The following EPSTI1 variants were observed in gnomAD, a reference collection of about 807,000 sequenced individuals.
The protein encoded by EPSTI1 is epithelial stromal interaction 1.
In EPSTI1, 66 loss-of-function variants were observed where a neutral mutation model predicts 49.9. The ratio of observed to expected loss-of-function variants is 1.32; its 90% CI spans 1.08 to 1.62. The LOEUF (loss-of-function observed/expected upper bound fraction) is 1.62. EPSTI1 is among the 40% of genes most tolerant of loss of function. The pLI, the probability that EPSTI1 is intolerant of heterozygous loss-of-function variation, is 0.00. For missense variants in EPSTI1, 394 were observed against 365.5 expected (o/e 1.08, Z -0.64); for synonymous variants, 137 against 130.7 (o/e 1.05, Z -0.33).
chr13:42,900,211 C>G lies in EPSTI1; in HGVS notation c.815+99G>C, dbSNP rs115267670. 4.1e-4 allele frequency: 452 copies of G among 1,111,780 alleles called. 4 individuals carry two copies. The African/African-American group carries it at 6.4e-3, about 16-fold the overall frequency. The allele number at this position is 1,111,780 out of a possible 1,614,324, so 68.9% of individuals were successfully genotyped here. A position where few individuals can be genotyped will look rare whatever the true frequency, so the allele number is the denominator to read the frequency against. The stretch of plus-strand genomic sequence containing the variant: ...TTAAAGGTAACACGCATTCCAAAAC[C>G]ATATTAATAATGTTATCGTAATGCT... On this transcript the variant is annotated intron_variant, in intron 9 of 10. Transcript: ENST00000313624.
intron 1 of EPSTI1, among the ~76,000 whole-genome samples, chr13:42,979,690 T>A (rs9567085): frequency 1.3e-5 from 2 of 151,776 alleles, no homozygotes; most frequent in African/African-American, 2.4e-5. Context: ...ATTTACCAAC[T>A]GTTAATGTTT....
Position 42,956,229 on chromosome 13 carries a change from G to A in EPSTI1, c.490-2208C>T, listed in dbSNP as rs143695505. On this transcript the variant is annotated intron_variant, in intron 5 of 10. Transcript: ENST00000313624. Reference sequence around the variant, plus strand: ...CCATCCTGAGCACGAGAGCCAAGAAGCGGAATAACACTGGGAATGTGGTTT... The same window carrying A: ...CCATCCTGAGCACGAGAGCCAAGAAACGGAATAACACTGGGAATGTGGTTT... 1.7e-4 allele frequency among the ~76,000 whole-genome samples: 26 copies of A among 152,334 alleles called. 1 individual carries two copies. The East Asian group carries it at 5.0e-3, about 29-fold the overall frequency.
chr13:42,931,998 T>C (rs1395912176), intron 6 of EPSTI1, among the ~76,000 whole-genome samples: 2 of 152,190 alleles, frequency 1.3e-5, no homozygotes, highest in Non-Finnish European at 2.9e-5. Context: ...GGGTCTCACA[T>C]TGTTGCCCAG....
chr13:42,917,804 C>T (rs12864209), intron 7 of EPSTI1, among the ~76,000 whole-genome samples, 180 bp from the exon 8 acceptor site: 72,866 of 151,982 alleles, frequency 0.48, 18,331 homozygotes, highest in Non-Finnish European at 0.54. Context: ...TGTCTGAAAA[C>T]GTCCCTTGGA....
At chr13:42,912,215 T>G (rs9567067) in intron 8 of EPSTI1, among the ~76,000 whole-genome samples, 22,325 of 152,226 alleles carry the variant, frequency 0.15, 1,967 homozygotes, top group East Asian at 0.29. Flanking sequence ...GCAGGATAAA[T>G]TGGAGCTAAG....
intron 1 of EPSTI1, among the ~76,000 whole-genome samples, chr13:42,983,661 A>T (rs1657935205): frequency 6.6e-6 from 1 of 151,912 alleles, no homozygotes; most frequent in South Asian, 2.1e-4. Context: ...CATATTCAAG[A>T]TCCAAAATTT....
rs116572589 is a variant in EPSTI1 at position 42,929,958 on chromosome 13, T to C, written c.564-3529A>G. Reference sequence around the variant, plus strand: ...GGGCTGGCTATATGAGAATCATCTGTGGTGCTTCCTAGAAATTACTGGACT... The same window carrying C: ...GGGCTGGCTATATGAGAATCATCTGCGGTGCTTCCTAGAAATTACTGGACT... On this transcript the variant is annotated intron_variant, in intron 6 of 10. Coordinates refer to ENST00000313624, the MANE Select transcript of EPSTI1 (RefSeq NM_033255.5). Among the ~76,000 whole-genome samples the C allele has an allele frequency of 3.8e-3, 585 of 152,312 alleles. 1 individual carries two copies. The highest frequency in any genetic ancestry group is 0.013 in the African/African-American group (549 of 41,578).
intron 6 of EPSTI1, among the ~76,000 whole-genome samples, chr13:42,928,232 T>C (rs115517181): frequency 1.0e-3 from 153 of 152,334 alleles, no homozygotes; most frequent in African/African-American, 3.5e-3. Flanking sequence ...AGTCCCATGT[T>C]ACGACACTAA....
intron 1 of EPSTI1, among the ~76,000 whole-genome samples, chr13:42,990,297 G>T (rs957182393): frequency 6.6e-6 from 1 of 151,780 alleles, no homozygotes; most frequent in African/African-American, 2.4e-5. Context: ...AGCTCTTCAG[G>T]GTATTAAGGC....
At chr13:42,906,124 GGA>G (rs772594548) in intron 8 of EPSTI1, among the ~76,000 whole-genome samples, 11 of 152,218 alleles carry the variant, frequency 7.2e-5, no homozygotes, top group Non-Finnish European at 1.3e-4. Flanking sequence ...GCTCTGCTGG[GGA>G]GCTGCAGGAT....
chr13:42,913,066 G>A (rs879510877), intron 8 of EPSTI1, among the ~76,000 whole-genome samples: 11 of 151,764 alleles, frequency 7.2e-5, no homozygotes, highest in Middle Eastern at 3.4e-3. Flanking sequence ...TAGAAACACT[G>A]TGAAATTTCT....
At chr13:42,951,296 C>T (rs191307320) in intron 6 of EPSTI1, among the ~76,000 whole-genome samples, 13 of 152,332 alleles carry the variant, frequency 8.5e-5, no homozygotes, top group African/African-American at 3.1e-4. Flanking sequence ...ACTACATACT[C>T]ACTGCTTATT....
intron 1 of EPSTI1, among the ~76,000 whole-genome samples, chr13:42,979,512 G>A (rs569672940): frequency 6.6e-6 from 1 of 151,466 alleles, no homozygotes; most frequent in East Asian, 1.9e-4. Context: ...AACCCGGAAG[G>A]CGGCGGAGCT....
At chr13:42,920,278 T>C (rs538771303) in intron 7 of EPSTI1, among the ~76,000 whole-genome samples, 1 of 152,204 alleles carries the variant, frequency 6.6e-6, no homozygotes, top group African/African-American at 2.4e-5. Context: ...AAGATGTTCC[T>C]GTTCCATTCT....
intron 4 of EPSTI1, chr13:42,963,722 C>T (rs1193259178): frequency 1.0e-5 from 3 of 299,180 alleles, no homozygotes; most frequent in Non-Finnish European, 6.1e-6. Context: ...ATTTTTTGTA[C>T]TACTTCCATG....
At chr13:42,989,032 ATTTT>A (rs74772535) in intron 1 of EPSTI1, among the ~76,000 whole-genome samples, 1,414 of 96,136 alleles carry the variant, frequency 0.015, 28 homozygotes, top group South Asian at 0.12. Context: ...GATAATTTAA[ATTTT>A]TTTTTTTTTT....
intron 5 of EPSTI1, among the ~76,000 whole-genome samples, chr13:42,957,988 TCTCAAAGCCCTGGG>T (rs1268602617): frequency 6.6e-6 from 1 of 152,242 alleles, no homozygotes; most frequent in Non-Finnish European, 1.5e-5. Flanking sequence ...CCCAGACTGG[TCTCAAAGCCCTGGG>T]CTCAAGCAAT....
At position 42,911,216 on chromosome 13, in the gene EPSTI1, T is replaced by A. The variant is rs187997837; in HGVS notation, c.741+6325A>T. 9.5e-3 allele frequency among the ~76,000 whole-genome samples: 1,440 copies of A among 151,526 alleles called. 40 individuals are homozygous for A. The highest frequency in any genetic ancestry group is 0.092 in the East Asian group (472 of 5,110). ...TGTCTTTATAAGATTGGTCTATCTG[T>A]GAGAGAGAGAGGGAGGGAGAGAGAG... On this transcript the variant is annotated intron_variant, in intron 8 of 10. Coordinates refer to ENST00000313624, the MANE Select transcript of EPSTI1 (RefSeq NM_033255.5).
chr13:42,975,091 C>T (rs542950172), intron 1 of EPSTI1, among the ~76,000 whole-genome samples: 8 of 152,180 alleles, frequency 5.3e-5, no homozygotes, highest in African/African-American at 1.7e-4. Flanking sequence ...AAAGGCATTT[C>T]GATACTTATC....
Sources: gnomAD v4.1 joint callset for allele counts (sites outside exome capture counted in the v4.1 genomes callset) on GRCh38, gnomAD v4.1.1 for gene constraint, MANE v1.5 for transcripts, NCBI Gene and HGNC (gene_info 2026-07-23, HGNC 2026-07-21) for gene names.